The following CEP192 variants were observed in gnomAD, a reference collection of about 807,000 sequenced individuals.
The protein encoded by CEP192 is centrosomal protein 192, also known as centrosomal protein of 192 kDa.
A neutral mutation model predicts 271.8 loss-of-function variants in CEP192; 151 were observed. The ratio of observed to expected loss-of-function variants is 0.56; its 90% CI spans 0.49 to 0.64. CEP192 has a LOEUF of 0.64. CEP192 is among the 30% of genes least tolerant of loss of function. The pLI, the probability that CEP192 is intolerant of heterozygous loss-of-function variation, is 0.00. For synonymous variants in CEP192, 995 were observed against 1,076.5 expected (o/e 0.92, Z 1.48); for missense variants, 2,910 against 3,020.5 (o/e 0.96, Z 0.86).
Position 12,999,538 on chromosome 18 carries a change from G to T in CEP192, c.114G>T (p.Leu38Phe). The change falls in exon 2 of 45, where the codon TTG (leucine) becomes TTT (phenylalanine). Residue 38 changes from leucine to phenylalanine, a missense_variant. Transcript: ENST00000506447. ...TCACTCTTTCTTCAAATCTTGGCTT[G>T]CCTGTTGCTGTTTCTACACTTGCTA... Reference protein sequence around the residue: ...ENVTLSSNLGLPVAVSTLARD... With the variant: ...ENVTLSSNLGFPVAVSTLARD... The T allele has an allele frequency of 6.4e-7, 1 of 1,550,690 alleles. No homozygotes were observed. The highest frequency in any genetic ancestry group is 8.7e-7 in the Non-Finnish European group (1 of 1,146,722).
intron 9 of CEP192, among the ~76,000 whole-genome samples, chr18:13,028,258 T>C (rs2035416337): frequency 6.6e-6 from 1 of 152,230 alleles, no homozygotes; most frequent in Non-Finnish European, 1.5e-5. Context: ...GGTCCCTAAA[T>C]CCAGGATGGT....
intron 15 of CEP192, among the ~76,000 whole-genome samples, chr18:13,044,905 A>G (rs895679120): frequency 5.3e-5 from 8 of 152,164 alleles, no homozygotes; most frequent in African/African-American, 1.9e-4. Context: ...TATATTCTTT[A>G]TCTAATGCCT....
chr18:13,038,577 AGAGT>A lies in CEP192; in HGVS notation c.1808_1809+2del. 6.5e-7 allele frequency: 1 copy of A among 1,550,362 alleles called. No homozygotes were observed. Among genetic ancestry groups the A allele is most frequent in the Non-Finnish European group, 8.7e-7 (1 of 1,145,870 alleles). On this transcript the variant is annotated splice_donor_variant and coding_sequence_variant, in exon 13 of 45. Transcript: ENST00000506447. LOFTEE classifies it high-confidence loss of function. ...CCTTGGTGGTGGTAACAATGTGAAAAGAGTAAGTATGGAATCTGTTGGAAGTGCT... is the reference window on the plus strand; with the variant it reads ...CCTTGGTGGTGGTAACAATGTGAAAAAAGTATGGAATCTGTTGGAAGTGCT...
chr18:13,029,420 G>T (rs1006287485), intron 9 of CEP192, among the ~76,000 whole-genome samples: 7 of 152,126 alleles, frequency 4.6e-5, no homozygotes, highest in Non-Finnish European at 7.4e-5. Flanking sequence ...CTCACTTTTG[G>T]TATGTAAATC....
intron 4 of CEP192, among the ~76,000 whole-genome samples, chr18:13,011,189 T>C (rs1412230413): frequency 6.8e-6 from 1 of 148,084 alleles, no homozygotes; most frequent in African/African-American, 2.5e-5. Flanking sequence ...ATTGTGCCAC[T>C]GCATTCCAGC....
intron 9 of CEP192, among the ~76,000 whole-genome samples, chr18:13,027,053 C>T (rs2035342063): frequency 1.3e-5 from 2 of 152,008 alleles, no homozygotes; most frequent in African/African-American, 4.8e-5. Context: ...TTCCATAATG[C>T]TGTGATTCAG....
chr18:13,007,304 T>C (rs1024933571), intron 3 of CEP192, among the ~76,000 whole-genome samples: 1 of 152,188 alleles, frequency 6.6e-6, no homozygotes, highest in Admixed American at 6.5e-5. Context: ...TATGACTTAG[T>C]TTGAAAATTT....
intron 9 of CEP192, 24 bp downstream of exon 9, chr18:13,019,230 T>C (rs1465390217): frequency 1.4e-6 from 2 of 1,472,194 alleles, no homozygotes; most frequent in East Asian, 5.2e-5. Context: ...TTTTCTTAGA[T>C]TTCCTATAAA....
At chr18:12,992,551 G>T (rs2145716808) in intron 1 of CEP192, among the ~76,000 whole-genome samples, 1 of 151,680 alleles carries the variant, frequency 6.6e-6, no homozygotes, top group East Asian at 1.9e-4. Context: ...TAGGATAGAA[G>T]AAAAATATTG....
Position 13,017,236 on chromosome 18 carries a change from A to C in CEP192, c.689A>C (p.Tyr230Ser), listed in dbSNP as rs1431203999. 3.9e-6 allele frequency: 6 copies of C among 1,549,730 alleles called. No homozygotes were observed. The East Asian group carries it at 1.2e-4, about 32-fold the overall frequency. ...TTTTATGATGATCATTTGGAGGCTTATTTTGAACAACTGGCAATTCCAGGA... is the reference window on the plus strand; with the variant it reads ...TTTTATGATGATCATTTGGAGGCTTCTTTTGAACAACTGGCAATTCCAGGA... ...EMFYDDHLEAYFEQLAIPGMI... is the reference protein window; with the variant it reads ...EMFYDDHLEASFEQLAIPGMI... The change falls in exon 7 of 45, where the codon TAT becomes TCT. Residue 230 changes from tyrosine (Y) to serine (S), a missense_variant. Physicochemically the swap from Tyr to Ser is moderately radical, Grantham distance 144 (BLOSUM62 -2). Coordinates refer to ENST00000506447, the MANE Select transcript of CEP192 (RefSeq NM_032142.4).
chr18:13,027,482 TTC>T (rs2035368718), intron 9 of CEP192, among the ~76,000 whole-genome samples: 1 of 152,186 alleles, frequency 6.6e-6, no homozygotes, highest in Admixed American at 6.5e-5. Flanking sequence ...CAGGTATTCC[TTC>T]TCTGCTGGTT....
intron 30 of CEP192, among the ~76,000 whole-genome samples, chr18:13,082,841 T>C (rs1048631626): frequency 6.6e-6 from 1 of 152,204 alleles, no homozygotes. Flanking sequence ...TCTCAGCGTT[T>C]GCTTGTCTGT....
At chr18:13,025,938 A>G (rs542574760) in intron 9 of CEP192, among the ~76,000 whole-genome samples, 231 of 152,296 alleles carry the variant, frequency 1.5e-3, no homozygotes, top group African/African-American at 5.2e-3. Context: ...TTTTACCTTT[A>G]CTTATTCTGT....
chr18:13,046,585 C>A (rs2036494363), intron 15 of CEP192, among the ~76,000 whole-genome samples: 2 of 151,764 alleles, frequency 1.3e-5, no homozygotes. Flanking sequence ...AATGATTACC[C>A]AAATAATTAT....
intron 34 of CEP192, 100 bp from the exon 35 acceptor site, chr18:13,095,403 A>G: frequency 3.4e-6 from 3 of 892,950 alleles, no homozygotes; most frequent in Non-Finnish European, 5.2e-6. Flanking sequence ...AGATTTATGA[A>G]GAATATAAAA....
At chr18:13,117,023 A>T (rs1266428323) in intron 43 of CEP192, among the ~76,000 whole-genome samples, 1 of 151,376 alleles carries the variant, frequency 6.6e-6, no homozygotes, top group African/African-American at 2.4e-5. Flanking sequence ...GGAGTTTGAG[A>T]CCAACCTGGG....
chr18:13,016,745 T>TA (rs1437000183), intron 6 of CEP192, among the ~76,000 whole-genome samples: 2 of 152,142 alleles, frequency 1.3e-5, no homozygotes, highest in Admixed American at 1.3e-4. Context: ...AGCTGGGTGT[T>TA]ACAGTGTTGA....
intron 21 of CEP192, among the ~76,000 whole-genome samples, chr18:13,066,602 A>G (rs533762454): frequency 2.0e-5 from 3 of 152,300 alleles, no homozygotes; most frequent in Admixed American, 2.0e-4. Flanking sequence ...TGGGGCTCCC[A>G]TGTCCCATGT....
At position 13,015,377 on chromosome 18, in the gene CEP192, G is replaced by C; in HGVS notation, c.569G>C (p.Ser190Thr). Residue 190 changes from serine (S) to threonine (T), a missense_variant, in exon 6 of 45, where the codon AGT becomes ACT. Physicochemically the swap from Ser to Thr is moderately conservative, Grantham distance 58. Transcript: ENST00000506447. ...CATTTTGAAGACAAGACTCTAAAGA[G>C]TGACCTAAGCCACACTAGCTTATTA... ...GKHFEDKTLK[S>T]DLSHTSLLEN... 1 of 1,550,734 alleles carries C rather than the reference G, an allele frequency of 6.4e-7. No individual in the cohort carries two copies. Among genetic ancestry groups the C allele is most frequent in the Non-Finnish European group, 8.7e-7 (1 of 1,146,352 alleles).
Sources: allele counts gnomAD v4.1 joint callset (sites outside exome capture counted in the v4.1 genomes callset), GRCh38; gene constraint gnomAD v4.1.1; transcripts MANE v1.5; gene names NCBI Gene and HGNC (gene_info 2026-07-23, HGNC 2026-07-21).